Variants in MTMR3 observed in about 807,000 individuals in gnomAD.
MTMR3 encodes the protein myotubularin related protein 3, also known as phosphatidylinositol-3,5-bisphosphate 3-phosphatase MTMR3.
In MTMR3, 32 loss-of-function variants were observed where a neutral mutation model predicts 132.4. The observed-to-expected ratio is 0.24, with a 90% CI of 0.18 to 0.32. MTMR3 has a LOEUF of 0.32. Among genes scored for constraint, MTMR3 ranks in the 10% least tolerant of loss-of-function variants. MTMR3 has a pLI of 1.00. For missense variants in MTMR3, 1,216 were observed against 1,489.6 expected (o/e 0.82, Z 3.02); for synonymous variants, 556 against 550.3 (o/e 1.01, Z -0.14).
Position 30,020,794 on chromosome 22 carries a change from G to A in MTMR3, c.3135G>A (p.Leu1045=), listed in dbSNP as rs1253725102. The A allele has an allele frequency of 1.9e-6, 3 of 1,613,916 alleles. No homozygotes were observed. The highest frequency in any genetic ancestry group is 1.6e-4 in the Middle Eastern group (1 of 6,062). ...GCCACCAGCAGGAAGTAGAAACTTT[G>A]AAGAAACAAGTCCAGGAGCTGAAGA... ...ESGHQQEVET[L]KKQVQELKSR... Residue 1045 remains leucine, a synonymous_variant, in exon 17 of 20, where the codon TTG becomes TTA. Coordinates refer to ENST00000401950, the MANE Select transcript of MTMR3 (RefSeq NM_021090.4).
Position 30,025,899 on chromosome 22 carries a change from A to C in MTMR3, c.*98A>C, listed in dbSNP as rs2067902701. ...AGAGGCCCGTGCACTTTGGAATGGG[A>C]GCGTGGAACCACCTGTACAGAGTGA... On this transcript the variant is annotated 3_prime_UTR_variant, in exon 20 of 20. Coordinates refer to ENST00000401950, the MANE Select transcript of MTMR3 (RefSeq NM_021090.4). 1 of 1,286,130 alleles carries C rather than the reference A, an allele frequency of 7.8e-7. No homozygotes were observed. The highest frequency in any genetic ancestry group is 1.8e-5 in the Admixed American group (1 of 57,050). The allele number at this position is 1,286,130 out of a possible 1,614,324, so 79.7% of individuals were successfully genotyped here.
At position 29,960,820 on chromosome 22, in the gene MTMR3, T is replaced by C. The variant is rs2066296851; in HGVS notation, c.-85+3732T>C. Among the ~76,000 whole-genome samples, 2 of 152,214 alleles carry C rather than the reference T, an allele frequency of 1.3e-5. 1 individual carries two copies. Among genetic ancestry groups the C allele is most frequent in the South Asian group, 4.1e-4 (2 of 4,828 alleles). On this transcript the variant is annotated intron_variant, in intron 2 of 19. Coordinates refer to ENST00000401950, the MANE Select transcript of MTMR3 (RefSeq NM_021090.4). ...TGATTGTTTTTTCTTGAGGCTATTA[T>C]CTTAACACTCTGAGTTTAAATGAAA...
rs180751115 is a variant in MTMR3 at position 29,955,668 on chromosome 22, A to T, written c.-137-1368A>T. Among the ~76,000 whole-genome samples, 1,288 of 152,372 alleles carry T rather than the reference A, an allele frequency of 8.5e-3. 8 individuals carry two copies. The highest frequency in any genetic ancestry group is 0.013 in the Non-Finnish European group (908 of 68,036). ...TTGGGGAGACAAAAATATTATGTTTAAAATGGTTAAGACACTTCATTGTTG... is the reference window on the plus strand; with the variant it reads ...TTGGGGAGACAAAAATATTATGTTTTAAATGGTTAAGACACTTCATTGTTG... On this transcript the variant is annotated intron_variant, in intron 1 of 19. Coordinates refer to ENST00000401950, the MANE Select transcript of MTMR3 (RefSeq NM_021090.4).
intron 1 of MTMR3, among the ~76,000 whole-genome samples, chr22:29,887,944 G>A (rs1238399509): frequency 6.6e-6 from 1 of 152,122 alleles, no homozygotes; most frequent in African/African-American, 2.4e-5. Context: ...TGTTACAACA[G>A]ATGGTAGCAA....
intron 1 of MTMR3, among the ~76,000 whole-genome samples, chr22:29,907,498 A>T (rs1403354173): frequency 6.6e-6 from 1 of 151,214 alleles, no homozygotes; most frequent in Non-Finnish European, 1.5e-5. Context: ...CTTCACCGAT[A>T]GTTGATGGAC....
chr22:30,020,196 C>G lies in MTMR3; in HGVS notation c.2537C>G (p.Thr846Arg), dbSNP rs2067710074. The G allele has an allele frequency of 1.2e-6, 2 of 1,614,224 alleles. No individual in the cohort carries two copies. Among genetic ancestry groups the G allele is most frequent in the East Asian group, 4.5e-5 (2 of 44,886 alleles). Reference protein sequence around the residue: ...ETRGPNVDSSTDMLVEDKVKS... With the variant: ...ETRGPNVDSSRDMLVEDKVKS... ...AGAGGACCAAACGTGGACAGTTCTA[C>G]AGACATGTTAGTGGAAGATAAGGTG... Residue 846 changes from threonine to arginine, a missense_variant, in exon 17 of 20, where the codon ACA (threonine) becomes AGA (arginine). Thr to Arg is a moderately conservative substitution (Grantham distance 71). Coordinates refer to ENST00000401950, the MANE Select transcript of MTMR3 (RefSeq NM_021090.4).
At chr22:29,919,338 C>A (rs1421049309) in intron 1 of MTMR3, among the ~76,000 whole-genome samples, 2 of 152,120 alleles carry the variant, frequency 1.3e-5, no homozygotes, top group Admixed American at 1.3e-4. Flanking sequence ...ATGGATTTCT[C>A]ACGTATCTGG....
In MTMR3 at chr22:30,020,088, T is replaced by C. The variant is rs1441986396; in HGVS notation, c.2429T>C (p.Leu810Pro). Residue 810 changes from leucine (L) to proline (P), a missense_variant, in exon 17 of 20, where the codon CTT becomes CCT. Physicochemically the swap from Leu to Pro is moderately conservative, Grantham distance 98. Around this residue, in one of 7 missense-constraint regions of MTMR3, gnomAD observed 852 missense variants for 852.0 expected, o/e 1.00. Transcript: ENST00000401950. ...GCAGAGGGTAGGGAGGAAGCAGTTCTTCCAATCCCAGTAGATGCAAAAGTT... is the reference window on the plus strand; with the variant it reads ...GCAGAGGGTAGGGAGGAAGCAGTTCCTCCAATCCCAGTAGATGCAAAAGTT... Reference protein sequence around the residue: ...EIAEGREEAVLPIPVDAKVGY... With the variant: ...EIAEGREEAVPPIPVDAKVGY... 1 of 1,614,220 alleles carries C rather than the reference T, an allele frequency of 6.2e-7. No homozygotes were observed. The highest frequency in any genetic ancestry group is 1.1e-5 in the South Asian group (1 of 91,086).
chr22:29,918,113 G>T (rs577859020), intron 1 of MTMR3, among the ~76,000 whole-genome samples: 28 of 152,042 alleles, frequency 1.8e-4, no homozygotes, highest in Non-Finnish European at 3.8e-4. Context: ...TTGCTAATGC[G>T]GTGAGTTTAA....
rs2067922197 is a variant in MTMR3 at position 30,026,928 on chromosome 22, G to T, written c.*1127G>T. 6.5e-6 allele frequency: 1 copy of T among 152,826 alleles called. No individual in the cohort carries two copies. Among genetic ancestry groups the T allele is most frequent in the Non-Finnish European group, 1.5e-5 (1 of 68,096 alleles). The allele number at this position is 152,826 out of a possible 1,614,324, so 9.5% of individuals were successfully genotyped here. On this transcript the variant is annotated 3_prime_UTR_variant, in exon 20 of 20. Coordinates refer to ENST00000401950, the MANE Select transcript of MTMR3 (RefSeq NM_021090.4). Reference sequence around the variant, plus strand: ...GAGCAGTCCCCCTTTGCCACTCCTGGCTGTCTGAGTGGGCACTTGTCTGGC... The same window carrying T: ...GAGCAGTCCCCCTTTGCCACTCCTGTCTGTCTGAGTGGGCACTTGTCTGGC...
intron 9 of MTMR3, 199 bp from the exon 10 acceptor site, chr22:30,006,915 T>C (rs1000519397): frequency 3.5e-6 from 2 of 576,380 alleles, no homozygotes; most frequent in Non-Finnish European, 3.1e-6. Context: ...GTTATGGTAA[T>C]TGAGAAAGAC....
Position 30,012,531 on chromosome 22 carries a change from C to T in MTMR3, c.1285C>T (p.Leu429Phe). The change falls in exon 13 of 20, where the codon CTC becomes TTC. Residue 429 changes from leucine to phenylalanine, a missense_variant. Physicochemically the swap from Leu to Phe is conservative, Grantham distance 22 (BLOSUM62 0). Transcript: ENST00000401950. Reference sequence around the variant, plus strand: ...CCCCCAGATTGTGGCATTGGCTAAGCTCTTGCTGGACCCTTATTACCGAAC... The same window carrying T: ...CCCCCAGATTGTGGCATTGGCTAAGTTCTTGCTGGACCCTTATTACCGAAC... ...RTPQIVALAKLLLDPYYRTIE... is the reference protein window; with the variant it reads ...RTPQIVALAKFLLDPYYRTIE... The T allele has an allele frequency of 6.2e-7, 1 of 1,613,496 alleles. No homozygotes were observed. The highest frequency in any genetic ancestry group is 2.2e-5 in the East Asian group (1 of 44,874).
At chr22:29,930,116 A>G (rs563482719) in intron 1 of MTMR3, among the ~76,000 whole-genome samples, 28 of 152,326 alleles carry the variant, frequency 1.8e-4, no homozygotes, top group South Asian at 1.4e-3. Flanking sequence ...TGTTTGTATA[A>G]TATTTTTGCT....
intron 16 of MTMR3, 124 bp downstream of exon 16, chr22:30,018,196 T>G: frequency 8.8e-7 from 1 of 1,131,524 alleles, no homozygotes; most frequent in Non-Finnish European, 1.2e-6. Flanking sequence ...CTTAGGTCTC[T>G]GCAGTTTTTT....
chr22:29,984,930 A>T (rs2066826578), intron 5 of MTMR3: 1 of 152,216 alleles, frequency 6.6e-6, no homozygotes. Context: ...AGGCTGGAGG[A>T]CAGACATGGA....
chr22:30,009,315 G>T (rs1487137569), intron 12 of MTMR3, 186 bp downstream of exon 12: 3 of 562,686 alleles, frequency 5.3e-6, no homozygotes, highest in Non-Finnish European at 9.4e-6. Flanking sequence ...CTGAAATGTG[G>T]CAGCACAGAG....
intron 1 of MTMR3, among the ~76,000 whole-genome samples, chr22:29,892,374 G>A (rs1268469952): frequency 1.3e-5 from 2 of 152,070 alleles, no homozygotes; most frequent in Non-Finnish European, 2.9e-5. Flanking sequence ...TTGGAAAGCC[G>A]TTTGGCTGTA....
At chr22:29,935,306 A>G (rs554810361) in intron 1 of MTMR3, among the ~76,000 whole-genome samples, 2 of 152,356 alleles carry the variant, frequency 1.3e-5, no homozygotes, top group Admixed American at 6.5e-5. Flanking sequence ...CAGTAACACC[A>G]TAAGATACCA....
chr22:29,888,748 A>G (rs1278734648), intron 1 of MTMR3, among the ~76,000 whole-genome samples: 1 of 149,374 alleles, frequency 6.7e-6, no homozygotes, highest in Admixed American at 6.8e-5. Context: ...GTCGAAATCT[A>G]ATTTCTTTAT....
Sources: gnomAD v4.1 joint callset for allele counts (sites outside exome capture counted in the v4.1 genomes callset) on GRCh38, gnomAD v4.1.1 for gene constraint, gnomAD v4.1.1 regional missense constraint, MANE v1.5 for transcripts, NCBI Gene and HGNC (gene_info 2026-07-23, HGNC 2026-07-21) for gene names.